TOGARAM1: variants seen among roughly 807,000 people sequenced by gnomAD.
TOGARAM1 encodes the protein TOG array regulator of axonemal microtubules 1.
In TOGARAM1, 100 loss-of-function variants were observed where a neutral mutation model predicts 166.6. The observed-to-expected ratio is 0.60, with a 90% CI of 0.51 to 0.71. The LOEUF (loss-of-function observed/expected upper bound fraction) is 0.71, where lower values mean the gene tolerates loss of function less well. TOGARAM1 is among the 30% of genes least tolerant of loss of function. The probability of loss-of-function intolerance (pLI) is 0.00; values close to 1 mark genes in which losing one functional copy is unlikely to be tolerated. For synonymous variants in TOGARAM1, 758 were observed against 763.8 expected (o/e 0.99, Z 0.13); for missense variants, 2,029 against 2,102.7 (o/e 0.96, Z 0.69).
At chr14:44,980,630 C>G (rs1886476712) in intron 1 of TOGARAM1, among the ~76,000 whole-genome samples, 1 of 152,082 alleles carries the variant, frequency 6.6e-6, no homozygotes, top group African/African-American at 2.4e-5. Flanking sequence ...GGAGTGAACC[C>G]AGATGGTGCC....
At chr14:44,981,404 C>G (rs542332909) in intron 1 of TOGARAM1, among the ~76,000 whole-genome samples, 1 of 151,930 alleles carries the variant, frequency 6.6e-6, no homozygotes, top group Non-Finnish European at 1.5e-5. Context: ...AGTGTGCCCA[C>G]GAGTTGGAAG....
chr14:45,073,627 A>G lies in TOGARAM1; in HGVS notation c.*66A>G. The G allele has an allele frequency of 6.8e-7, 1 of 1,475,874 alleles. No homozygotes were observed. The highest frequency in any genetic ancestry group is 1.3e-5 in the South Asian group (1 of 76,414). The allele number at this position is 1,475,874 out of a possible 1,614,324, so 91.4% of individuals were successfully genotyped here. On this transcript the variant is annotated 3_prime_UTR_variant, in exon 20 of 20. Transcript: ENST00000361462. Reference sequence around the variant, plus strand: ...ATGATGACAAATGGAACTTTCTAAAAGTTATGTTATCAGTGCCTGCACTTC... The same window carrying G: ...ATGATGACAAATGGAACTTTCTAAAGGTTATGTTATCAGTGCCTGCACTTC...
At chr14:45,017,820 G>A (rs570840248) in intron 7 of TOGARAM1, among the ~76,000 whole-genome samples, 2 of 152,280 alleles carry the variant, frequency 1.3e-5, no homozygotes, top group African/African-American at 4.8e-5. Flanking sequence ...GGGAGGCGGA[G>A]GTTGCAGTGA....
At chr14:45,058,192 T>A (rs1882732197) in intron 16 of TOGARAM1, among the ~76,000 whole-genome samples, 1 of 152,204 alleles carries the variant, frequency 6.6e-6, no homozygotes, top group Non-Finnish European at 1.5e-5. Context: ...ATCATTATCA[T>A]CCCTTCTTTG....
At chr14:44,978,993 T>G (rs984074969) in intron 1 of TOGARAM1, among the ~76,000 whole-genome samples, 2 of 148,916 alleles carry the variant, frequency 1.3e-5, no homozygotes, top group African/African-American at 5.0e-5. Context: ...TTAATGTCAC[T>G]AACCAATCCT....
chr14:45,045,595 G>A (rs1367382741), intron 13 of TOGARAM1, among the ~76,000 whole-genome samples: 78 of 67,026 alleles, frequency 1.2e-3, no homozygotes, highest in African/African-American at 3.1e-3. Context: ...GTGTGTGTGT[G>A]TGTGTGTGTG....
chr14:45,045,954 A>G (rs558541960), intron 13 of TOGARAM1, among the ~76,000 whole-genome samples: 1 of 152,002 alleles, frequency 6.6e-6, no homozygotes, highest in South Asian at 2.1e-4. Context: ...TTTTAGCTCA[A>G]TAAAAGTTAT....
intron 1 of TOGARAM1, among the ~76,000 whole-genome samples, chr14:44,975,301 A>G (rs1003677481): frequency 2.6e-5 from 4 of 152,134 alleles, no homozygotes; most frequent in Non-Finnish European, 5.9e-5. Context: ...AGTTGAAGCA[A>G]GTTTTATTTT....
At chr14:44,987,346 A>G (rs558287852) in intron 1 of TOGARAM1, among the ~76,000 whole-genome samples, 17 of 152,332 alleles carry the variant, frequency 1.1e-4, no homozygotes, top group Middle Eastern at 6.8e-3. Flanking sequence ...AAATTTTTGC[A>G]ATCTACTCAT....
At chr14:44,989,278 A>G (rs995973974) in intron 1 of TOGARAM1, among the ~76,000 whole-genome samples, 2 of 152,066 alleles carry the variant, frequency 1.3e-5, no homozygotes, top group Non-Finnish European at 2.9e-5. Context: ...CATTTTTCTG[A>G]CTCACTTCAT....
At chr14:45,016,856 ACTTAT>A (rs1259276897) in intron 7 of TOGARAM1, among the ~76,000 whole-genome samples, 1 of 152,236 alleles carries the variant, frequency 6.6e-6, no homozygotes, top group East Asian at 1.9e-4. Context: ...ATATTATGTT[ACTTAT>A]CTTTTTAAAA....
At chr14:45,007,350 T>G (rs1227139330) in intron 5 of TOGARAM1, 9 of 151,790 alleles carry the variant, frequency 5.9e-5, no homozygotes, top group African/African-American at 2.2e-4. Flanking sequence ...AACTCATTTG[T>G]ATTTTACTAG....
intron 1 of TOGARAM1, among the ~76,000 whole-genome samples, chr14:44,986,433 G>T (rs989732549): frequency 6.6e-6 from 1 of 152,016 alleles, no homozygotes; most frequent in African/African-American, 2.4e-5. Flanking sequence ...AGGACTACAG[G>T]CTGGGGCCAA....
At chr14:45,015,307 A>AAAT (rs1880059018) in intron 7 of TOGARAM1, among the ~76,000 whole-genome samples, 1 of 146,742 alleles carries the variant, frequency 6.8e-6, no homozygotes, top group Admixed American at 6.8e-5. Flanking sequence ...CCTATCTCAA[A>AAAT]AAATAAATAA....
At chr14:44,990,041 A>C (rs922718997) in intron 1 of TOGARAM1, among the ~76,000 whole-genome samples, 12 of 152,222 alleles carry the variant, frequency 7.9e-5, no homozygotes, top group Non-Finnish European at 1.6e-4. Flanking sequence ...CATGGTCCCC[A>C]TGATCCAGTC....
At chr14:44,966,705 T>G (rs2138712657) in intron 1 of TOGARAM1, among the ~76,000 whole-genome samples, 1 of 152,078 alleles carries the variant, frequency 6.6e-6, no homozygotes, top group East Asian at 2.0e-4. Context: ...AGTCTTTGAT[T>G]ATTTCCTTAA....
chr14:45,046,557 T>C lies in TOGARAM1; in HGVS notation c.4167T>C (p.Ile1389=). Residue 1389 remains isoleucine, a synonymous_variant, in exon 14 of 20, where the codon ATT becomes ATC. Coordinates refer to ENST00000361462, the MANE Select transcript of TOGARAM1 (RefSeq NM_001308120.2). ...LINGGQSHLH[I]AVRRCTAQHL... is the part of the protein sequence containing the mutation. ...TGTCTCCTTGTAGCCATTTACACAT[T>C]GCTGTAAGAAGGTGTACAGCCCAGC... is the stretch of plus-strand genomic sequence containing the variant. 1 of 1,312,220 alleles carries C rather than the reference T, an allele frequency of 7.6e-7. No homozygotes were observed. The highest frequency in any genetic ancestry group is 1.5e-5 in the African/African-American group (1 of 66,436). The allele number at this position is 1,312,220 out of a possible 1,614,324, so 81.3% of individuals were successfully genotyped here.
chr14:45,031,186 AT>A (rs969939169), intron 10 of TOGARAM1, among the ~76,000 whole-genome samples: 6 of 152,190 alleles, frequency 3.9e-5, no homozygotes, highest in Admixed American at 2.6e-4. Context: ...AGTGACTAAT[AT>A]TTCCTTTCTA....
chr14:45,006,925 G>T (rs1879476076), intron 5 of TOGARAM1: 1 of 151,944 alleles, frequency 6.6e-6, no homozygotes, highest in African/African-American at 2.4e-5. Context: ...AGATCACTTT[G>T]TGCTATAAAA....
Sources: gnomAD v4.1 joint callset for allele counts (sites outside exome capture counted in the v4.1 genomes callset) on GRCh38, gnomAD v4.1.1 for gene constraint, MANE v1.5 for transcripts, NCBI Gene and HGNC (gene_info 2026-07-23, HGNC 2026-07-21) for gene names.